The following RANBP17 variants were observed in gnomAD, a reference collection of about 807,000 sequenced individuals.
RANBP17 encodes the protein ran-binding protein 17.
RANBP17 carries 158 observed loss-of-function variants against 141.2 expected under a neutral mutation model. The observed-to-expected ratio is 1.12, with a 90% CI of 0.98 to 1.28. RANBP17 has a LOEUF of 1.28. Among genes scored for constraint, RANBP17 ranks in the 50% most tolerant of loss-of-function variants. The probability of loss-of-function intolerance (pLI) is 0.00; values close to 1 mark genes in which losing one functional copy is unlikely to be tolerated. For synonymous variants in RANBP17, 430 were observed against 450.0 expected (o/e 0.96, Z 0.56); for missense variants, 1,438 against 1,290.7 (o/e 1.11, Z -1.75).
At chr5:171,065,641 AC>A (rs1440647559) in intron 14 of RANBP17, among the ~76,000 whole-genome samples, 1 of 152,124 alleles carries the variant, frequency 6.6e-6, no homozygotes, top group Non-Finnish European at 1.5e-5. Flanking sequence ...GATTTGAGAT[AC>A]CAGTTTTATC....
chr5:171,282,334 A>G (rs1193094998), intron 25 of RANBP17, among the ~76,000 whole-genome samples: 1 of 152,216 alleles, frequency 6.6e-6, no homozygotes, highest in East Asian at 1.9e-4. Context: ...TTCTCAGAGT[A>G]CTGGCAACAG....
At chr5:171,191,591 G>A (rs1393843553) in intron 18 of RANBP17, among the ~76,000 whole-genome samples, 1 of 152,076 alleles carries the variant, frequency 6.6e-6, no homozygotes, top group African/African-American at 2.4e-5. Context: ...GGAGGCTGAG[G>A]CAGGAGAATG....
Position 171,148,097 on chromosome 5 carries a change from C to T in RANBP17, c.1711-22033C>T, listed in dbSNP as rs551676800. 7.2e-5 allele frequency among the ~76,000 whole-genome samples: 11 copies of T among 152,040 alleles called. No individual in the cohort carries two copies. In the South Asian group the frequency reaches 2.3e-3, roughly 32 times the overall value. ...GTTGATCTGTGACCTTACCCCCAAC[C>T]CTGTGCTCTCTGAAACATGTGCTGT... On this transcript the variant is annotated intron_variant, in intron 14 of 27. Transcript: ENST00000523189.
chr5:170,911,469 C>G, intron 7 of RANBP17: 1 of 671,816 alleles, frequency 1.5e-6, no homozygotes, highest in East Asian at 2.8e-5. Flanking sequence ...TGTTTATGAT[C>G]ATTTTCAGGT....
At chr5:170,881,771 T>C in intron 2 of RANBP17, 35 bp from the exon 3 acceptor site, 1 of 1,370,828 alleles carries the variant, frequency 7.3e-7, no homozygotes, top group African/African-American at 1.5e-5. Context: ...TTTAATTTCA[T>C]TTATGATAAT....
intron 4 of RANBP17, among the ~76,000 whole-genome samples, chr5:170,895,611 CTTA>C (rs1243289526): frequency 6.6e-6 from 1 of 152,102 alleles, no homozygotes; most frequent in Non-Finnish European, 1.5e-5. Context: ...GCCTAAGCTA[CTTA>C]TTATTTATTT....
intron 12 of RANBP17, among the ~76,000 whole-genome samples, chr5:170,936,170 C>G (rs920794502): frequency 6.6e-6 from 1 of 152,086 alleles, no homozygotes; most frequent in Non-Finnish European, 1.5e-5. Flanking sequence ...TGAGAGTGTC[C>G]CGATTTTCCA....
chr5:170,871,454 A>C (rs1052256578), intron 1 of RANBP17, among the ~76,000 whole-genome samples: 1 of 152,168 alleles, frequency 6.6e-6, no homozygotes, highest in African/African-American at 2.4e-5. Flanking sequence ...GATTGCAAAA[A>C]TGTTCTCCCA....
At chr5:171,009,687 C>CA (rs1554154742) in intron 14 of RANBP17, among the ~76,000 whole-genome samples, 1 of 32,518 alleles carries the variant, frequency 3.1e-5, no homozygotes, top group East Asian at 2.0e-3. Context: ...ATCAGGACCT[C>CA]AGAATGTAAA....
Position 171,183,364 on chromosome 5 carries a change from C to T in RANBP17, c.1972C>T (p.Leu658Phe). The T allele has an allele frequency of 6.2e-7, 1 of 1,614,000 alleles. No homozygotes were observed. The highest frequency in any genetic ancestry group is 8.5e-7 in the Non-Finnish European group (1 of 1,179,896). Reference sequence around the variant, plus strand: ...TCTTGGCATCAGTGACAATCATAGTCTCAGCGACTTCAGGTGTCGAACAAC... The same window carrying T: ...TCTTGGCATCAGTGACAATCATAGTTTCAGCGACTTCAGGTGTCGAACAAC... ...PFLGISDNHS[L>F]SDFRCRTTFY... The change falls in exon 18 of 28, where the codon CTC (leucine) becomes TTC (phenylalanine). Residue 658 changes from leucine to phenylalanine, a missense_variant. Coordinates refer to ENST00000523189, the MANE Select transcript of RANBP17 (RefSeq NM_022897.5).
At chr5:171,004,735 G>A (rs1482512767) in intron 14 of RANBP17, among the ~76,000 whole-genome samples, 1 of 152,132 alleles carries the variant, frequency 6.6e-6, no homozygotes, top group Non-Finnish European at 1.5e-5. Context: ...GAGCAGCAGT[G>A]ATGTGAGTCG....
intron 14 of RANBP17, among the ~76,000 whole-genome samples, chr5:170,969,155 A>C (rs1326308236): frequency 6.6e-6 from 1 of 151,708 alleles, no homozygotes; most frequent in Non-Finnish European, 1.5e-5. Context: ...ATTTTCTGAT[A>C]ATAATAATTG....
Position 171,265,718 on chromosome 5 carries a change from C to T in RANBP17, c.2814C>T (p.Asp938=). 6.2e-7 allele frequency: 1 copy of T among 1,614,028 alleles called. No individual in the cohort carries two copies. The highest frequency in any genetic ancestry group is 8.5e-7 in the Non-Finnish European group (1 of 1,179,974). Residue 938 remains aspartate, a synonymous_variant, in exon 25 of 28, where the codon GAC becomes GAT. Transcript: ENST00000523189. ...CCTCCAGCTGCTGTACCAGTTTAGA[C>T]TACATCGTCACCTACCTCTTCAAGC... ...VVSSSCCTSL[D]YIVTYLFKHI... is the part of the protein sequence containing the mutation.
At chr5:171,102,770 A>T (rs1380839830) in intron 14 of RANBP17, among the ~76,000 whole-genome samples, 1 of 150,912 alleles carries the variant, frequency 6.6e-6, no homozygotes, top group Non-Finnish European at 1.5e-5. Context: ...TGACCTTCGG[A>T]TGGAGTTTTT....
At chr5:170,940,077 G>A (rs1774205880) in intron 12 of RANBP17, among the ~76,000 whole-genome samples, 1 of 152,086 alleles carries the variant, frequency 6.6e-6, no homozygotes, top group African/African-American at 2.4e-5. Flanking sequence ...ACATAAATGA[G>A]TTAAATTTAC....
intron 24 of RANBP17, among the ~76,000 whole-genome samples, chr5:171,258,116 A>ACAC (rs1192670880): frequency 5.1e-5 from 5 of 98,944 alleles, no homozygotes; most frequent in Non-Finnish European, 7.9e-5. Context: ...AAAAAAAAAA[A>ACAC]ATACACACAC....
chr5:171,058,913 T>C (rs1400810420), intron 14 of RANBP17, among the ~76,000 whole-genome samples: 2 of 151,890 alleles, frequency 1.3e-5, no homozygotes, highest in African/African-American at 4.8e-5. Flanking sequence ...TGATGGCCAG[T>C]GATGATGAGC....
In RANBP17 at chr5:170,864,192, A is replaced by G. The variant is rs559711630; in HGVS notation, c.18+2141A>G. Among the ~76,000 whole-genome samples the G allele has an allele frequency of 2.6e-5, 4 of 152,306 alleles. No homozygotes were observed. In the East Asian group the frequency reaches 7.7e-4, roughly 29 times the overall value. ...AGAGTTAGAGTAGGCCTCATAACTC[A>G]TAAGTTCCGTGTTCCCCATTACCTC... On this transcript the variant is annotated intron_variant, in intron 1 of 27. Transcript: ENST00000523189.
chr5:171,128,115 A>G (rs1396025762), intron 14 of RANBP17, among the ~76,000 whole-genome samples: 1 of 152,098 alleles, frequency 6.6e-6, no homozygotes, highest in Non-Finnish European at 1.5e-5. Flanking sequence ...CCGAGATCAC[A>G]CCACTGCACT....
Sources: gnomAD v4.1 joint callset for allele counts (sites outside exome capture counted in the v4.1 genomes callset) on GRCh38, gnomAD v4.1.1 for gene constraint, MANE v1.5 for transcripts, NCBI Gene and HGNC (gene_info 2026-07-23, HGNC 2026-07-21) for gene names.